ELL2: variants seen among roughly 807,000 people sequenced by gnomAD.
ELL2 encodes RNA polymerase II elongation factor ELL2.
In ELL2, 21 loss-of-function variants were observed where a neutral mutation model predicts 72.8. The observed-to-expected ratio is 0.29, with a 90% CI of 0.20 to 0.42. The LOEUF is 0.42. Among genes scored for constraint, ELL2 ranks in the 10% least tolerant of loss-of-function variants. The pLI is 1.00. For missense variants in ELL2, 568 were observed against 772.8 expected (o/e 0.73, Z 3.14); for synonymous variants, 266 against 283.2 (o/e 0.94, Z 0.61).
Position 95,961,690 on chromosome 5 carries a change from T to C in ELL2, c.32A>G (p.Glu11Gly), listed in dbSNP as rs1233602526. The change falls in exon 1 of 12, where the codon GAG (glutamate) becomes GGG (glycine). Residue 11 changes from glutamate to glycine, a missense_variant. By Grantham distance (98) the Glu-to-Gly change is moderately conservative. Around this residue, in one of 2 missense-constraint regions of ELL2, gnomAD observed 57 missense variants for 44.4 expected, o/e 1.28. Transcript: ENST00000237853. MAAGGTGGLR[E>G]EQRYGLSCGR... Reference sequence around the variant, plus strand: ...GCACGACAGCCCATAGCGCTGCTCCTCCCGCAGGCCCCCTGTCCCCCCCGC... The same window carrying C: ...GCACGACAGCCCATAGCGCTGCTCCCCCCGCAGGCCCCCTGTCCCCCCCGC... 1.9e-6 allele frequency: 3 copies of C among 1,604,400 alleles called. No homozygotes were observed. Among genetic ancestry groups the C allele is most frequent in the Admixed American group, 1.7e-5 (1 of 59,364 alleles).
chr5:95,898,234 A>G lies in ELL2; in HGVS notation c.1525+6T>C. Reference sequence around the variant, plus strand: ...TGCACTTCTGGTTCATCTAAAGGTAAAATACCTCCACTGGAATTTGGACTG... The same window carrying G: ...TGCACTTCTGGTTCATCTAAAGGTAGAATACCTCCACTGGAATTTGGACTG... On this transcript the variant is annotated splice_donor_region_variant and intron_variant, in intron 8 of 11. Coordinates refer to ENST00000237853, the MANE Select transcript of ELL2 (RefSeq NM_012081.6). The G allele has an allele frequency of 6.3e-7, 1 of 1,590,634 alleles. No individual in the cohort carries two copies. The highest frequency in any genetic ancestry group is 1.2e-5 in the South Asian group (1 of 85,518).
chr5:95,891,284 A>C lies in ELL2; in HGVS notation c.1590-10T>G. 1 of 1,595,756 alleles carries C rather than the reference A, an allele frequency of 6.3e-7. No individual in the cohort carries two copies. On this transcript the variant is annotated splice_polypyrimidine_tract_variant and intron_variant, in intron 9 of 11. Coordinates refer to ENST00000237853, the MANE Select transcript of ELL2 (RefSeq NM_012081.6). ...GATAGCGATATATTTTCTAATAAGA[A>C]AAAAGATAAATGGAGAGTAGCTACC...
chr5:95,931,005 T>G (rs555541940), intron 2 of ELL2, among the ~76,000 whole-genome samples: 19 of 152,246 alleles, frequency 1.2e-4, no homozygotes, highest in African/African-American at 4.3e-4. Context: ...TTTAAAACGC[T>G]TTCTTTAGAA....
At chr5:95,891,939 C>T (rs183421144) in intron 9 of ELL2, among the ~76,000 whole-genome samples, 112 of 152,286 alleles carry the variant, frequency 7.4e-4, no homozygotes, top group African/African-American at 2.6e-3. Context: ...TCTTTTCAAA[C>T]ATTTAAATGT....
At position 95,885,731 on chromosome 5, in the gene ELL2, A is replaced by T. The variant is rs1748440031; in HGVS notation, c.*3140T>A. ...TATAAGAGAAAAGAAAACTCCTATA[A>T]AGCTTATAAGATCAGAAAAAATTAA... On this transcript the variant is annotated 3_prime_UTR_variant, in exon 12 of 12. Coordinates refer to ENST00000237853, the MANE Select transcript of ELL2 (RefSeq NM_012081.6). The T allele has an allele frequency of 6.6e-6, 1 of 152,220 alleles. No homozygotes were observed. Among genetic ancestry groups the T allele is most frequent in the South Asian group, 2.1e-4 (1 of 4,836 alleles). 9.4% of individuals were successfully genotyped at this position (152,220 alleles called of 1,614,324 possible).
intron 4 of ELL2, among the ~76,000 whole-genome samples, chr5:95,910,943 C>G (rs1479260619): frequency 2.7e-5 from 4 of 150,164 alleles, no homozygotes; most frequent in African/African-American, 7.6e-5. Context: ...TTTGCTGATA[C>G]CAACAATTTG....
At chr5:95,889,724 A>C (rs1748587323) in intron 10 of ELL2, among the ~76,000 whole-genome samples, 1 of 152,228 alleles carries the variant, frequency 6.6e-6, no homozygotes, top group Non-Finnish European at 1.5e-5. Context: ...CAAATGAAGA[A>C]ACCTTAGATT....
At chr5:95,893,229 G>A (rs1013715923) in intron 9 of ELL2, among the ~76,000 whole-genome samples, 29 of 152,214 alleles carry the variant, frequency 1.9e-4, no homozygotes, top group African/African-American at 6.3e-4. Flanking sequence ...CTACTTTTAC[G>A]AAAAATTGTT....
chr5:95,916,844 T>G (rs1749828483), intron 3 of ELL2, among the ~76,000 whole-genome samples: 1 of 151,910 alleles, frequency 6.6e-6, no homozygotes, highest in South Asian at 2.1e-4. Context: ...AGAAAATGAC[T>G]GCAATAGAGT....
At chr5:95,890,110 T>G (rs181957127) in intron 10 of ELL2, among the ~76,000 whole-genome samples, 4 of 152,296 alleles carry the variant, frequency 2.6e-5, no homozygotes, top group Admixed American at 2.6e-4. Context: ...TGGAATTATA[T>G]TCTAGTTTCA....
intron 2 of ELL2, among the ~76,000 whole-genome samples, chr5:95,922,932 G>A (rs1750145321): frequency 6.6e-6 from 1 of 152,214 alleles, no homozygotes; most frequent in South Asian, 2.1e-4. Context: ...AGGACATTTG[G>A]TCTGGGAGGG....
At chr5:95,954,596 C>CTTTTTTTTTTTTTTTTTTTTTTTTTTT in intron 1 of ELL2, among the ~76,000 whole-genome samples, 1 of 105,870 alleles carries the variant, frequency 9.4e-6, no homozygotes, top group Non-Finnish European at 1.8e-5. Flanking sequence ...TTTTTTTTTT[C>CTTTTTTTTTTTTTTTTTTTTTTTTTTT]TTTTTTTTTT....
intron 10 of ELL2, among the ~76,000 whole-genome samples, chr5:95,889,898 T>G (rs1748595803): frequency 8.8e-6 from 1 of 113,482 alleles, no homozygotes. Flanking sequence ...AGGGGGGGAG[T>G]CAGGTGCCTG....
At chr5:95,954,719 C>T (rs905580863) in intron 1 of ELL2, among the ~76,000 whole-genome samples, 7 of 150,058 alleles carry the variant, frequency 4.7e-5, no homozygotes. Context: ...GGATTACAGG[C>T]ATGAGCCACT....
intron 4 of ELL2, among the ~76,000 whole-genome samples, chr5:95,908,850 A>C (rs952760621): frequency 6.6e-5 from 10 of 152,212 alleles, no homozygotes; most frequent in Non-Finnish European, 1.5e-4. Context: ...ACTCTTTTCC[A>C]AACCAAGCTA....
rs1301511866 is a variant in ELL2 at position 95,943,672 on chromosome 5, T to C, written c.148-623A>G. Among the ~76,000 whole-genome samples the C allele has an allele frequency of 9.2e-5, 14 of 152,338 alleles. No homozygotes were observed. The East Asian group carries it at 2.5e-3, about 27-fold the overall frequency. Reference sequence around the variant, plus strand: ...GAGAATAAACCTGTTTGCTATTTTCTCACATTTTATCAGAGATTTGTTTTT... The same window carrying C: ...GAGAATAAACCTGTTTGCTATTTTCCCACATTTTATCAGAGATTTGTTTTT... On this transcript the variant is annotated intron_variant, in intron 1 of 11. Coordinates refer to ENST00000237853, the MANE Select transcript of ELL2 (RefSeq NM_012081.6).
chr5:95,926,061 A>T (rs186014006), intron 2 of ELL2, among the ~76,000 whole-genome samples: 347 of 152,270 alleles, frequency 2.3e-3, no homozygotes, highest in Non-Finnish European at 3.5e-3. Flanking sequence ...TTAGGGACAG[A>T]ATAGTCTAGA....
At chr5:95,922,723 T>C (rs575054992) in intron 2 of ELL2, among the ~76,000 whole-genome samples, 2 of 152,222 alleles carry the variant, frequency 1.3e-5, no homozygotes, top group African/African-American at 2.4e-5. Flanking sequence ...CATATTCTTG[T>C]TTTTTAAAAG....
At position 95,891,247 on chromosome 5, in the gene ELL2, C is replaced by T. The variant is rs1376904708; in HGVS notation, c.1617G>A (p.Glu539=). The part of the protein sequence containing the change: ...LIKYIAIVSY[E]QRQNYKDDFN... ...AGTCATCCTTATAATTCTGGCGTTG[C>T]TCATAGGAGACGATAGCGATATATT... Residue 539 remains glutamate (E), a synonymous_variant, in exon 10 of 12, where the codon GAG becomes GAA. Transcript: ENST00000237853. The T allele has an allele frequency of 5.0e-6, 8 of 1,612,192 alleles. No individual in the cohort carries two copies. Among genetic ancestry groups the T allele is most frequent in the African/African-American group, 2.7e-5 (2 of 74,772 alleles).
Sources: gnomAD v4.1 joint callset for allele counts (sites outside exome capture counted in the v4.1 genomes callset) on GRCh38, gnomAD v4.1.1 for gene constraint, gnomAD v4.1.1 regional missense constraint, MANE v1.5 for transcripts, NCBI Gene and HGNC (gene_info 2026-07-23, HGNC 2026-07-21) for gene names.